The following CERS6 variants were observed in gnomAD, a reference collection of about 807,000 sequenced individuals.
CERS6 encodes the protein LAG1 homolog, ceramide synthase 6.
A neutral mutation model predicts 56.8 loss-of-function variants in CERS6; 26 were observed. That is an observed-to-expected ratio of 0.46 (90% CI 0.34 to 0.63). CERS6 has a LOEUF of 0.63. CERS6 is among the 30% of genes least tolerant of loss of function. The pLI is 0.01. For missense variants in CERS6, 415 were observed against 467.5 expected, an observed-to-expected ratio of 0.89 and a Z score of 1.04; for synonymous variants, 164 against 173.3, an observed-to-expected ratio of 0.95 and a Z score of 0.42.
At chr2:168,688,914 G>A (rs1339285903) in intron 4 of CERS6, among the ~76,000 whole-genome samples, 1 of 152,130 alleles carries the variant, frequency 6.6e-6, no homozygotes, top group African/African-American at 2.4e-5. Flanking sequence ...AGAAAAGCCT[G>A]GGTTTTAGAA....
intron 2 of CERS6, among the ~76,000 whole-genome samples, chr2:168,556,412 T>C (rs544512300): frequency 3.2e-4 from 49 of 152,290 alleles, no homozygotes; most frequent in African/African-American, 1.1e-3. Flanking sequence ...CTGACATCTT[T>C]TTGATTAAAA....
chr2:168,533,750 A>T (rs1224826997), intron 1 of CERS6, among the ~76,000 whole-genome samples: 3 of 151,698 alleles, frequency 2.0e-5, no homozygotes, highest in Non-Finnish European at 4.4e-5. Context: ...CTGAATTTGC[A>T]TGTTGGTCTG....
intron 5 of CERS6, among the ~76,000 whole-genome samples, chr2:168,693,504 C>G (rs1686557689): frequency 6.6e-6 from 1 of 152,036 alleles, no homozygotes; most frequent in Non-Finnish European, 1.5e-5. Flanking sequence ...GGGTCCTGAG[C>G]CAGGGCCCGA....
At position 168,626,144 on chromosome 2, in the gene CERS6, GA is replaced by G. The variant is rs958405890; in HGVS notation, c.408-4832del. Among the ~76,000 whole-genome samples the G allele has an allele frequency of 4.0e-5, 6 of 150,570 alleles. 1 individual carries two copies. Among genetic ancestry groups the G allele is most frequent in the Admixed American group, 1.3e-4 (2 of 15,130 alleles). The stretch of plus-strand genomic sequence containing the variant: ...ACTCTGTGCTCATTTCCTCATCAGG[GA>G]AAAAAAAATAAAGATGTTGATAATA... On this transcript the variant is annotated intron_variant, in intron 3 of 9. Coordinates refer to ENST00000305747, the MANE Select transcript of CERS6 (RefSeq NM_203463.3).
chr2:168,573,165 A>G (rs978947323), intron 3 of CERS6, among the ~76,000 whole-genome samples: 1 of 152,196 alleles, frequency 6.6e-6, no homozygotes, highest in East Asian at 1.9e-4. Context: ...ATGTACCCAG[A>G]CACCACCTGT....
chr2:168,609,813 G>A (rs541027548), intron 3 of CERS6, among the ~76,000 whole-genome samples: 1 of 152,236 alleles, frequency 6.6e-6, no homozygotes, highest in Admixed American at 6.5e-5. Context: ...GGGGTGAGAA[G>A]GGACACCATC....
chr2:168,529,401 T>C (rs765427839), intron 1 of CERS6, among the ~76,000 whole-genome samples: 17 of 152,142 alleles, frequency 1.1e-4, no homozygotes, highest in Admixed American at 3.3e-4. Flanking sequence ...TTATCAGTAA[T>C]CCACCAGAAA....
intron 2 of CERS6, 61 bp downstream of exon 2, chr2:168,547,762 A>G (rs1409071531): frequency 1.7e-6 from 2 of 1,159,236 alleles, no homozygotes; most frequent in African/African-American, 1.5e-5. Context: ...GCCTGCTGTC[A>G]TTCAATTTGT....
At chr2:168,612,698 A>T (rs1014362437) in intron 3 of CERS6, among the ~76,000 whole-genome samples, 4 of 152,180 alleles carry the variant, frequency 2.6e-5, no homozygotes, top group African/African-American at 7.2e-5. Flanking sequence ...GCACTGGGGG[A>T]TTAGGAGTGT....
chr2:168,617,127 A>G (rs1202610254), intron 3 of CERS6, among the ~76,000 whole-genome samples: 3 of 152,210 alleles, frequency 2.0e-5, no homozygotes, highest in African/African-American at 7.2e-5. Context: ...CTGCTCCTGA[A>G]TGATCATTGG....
chr2:168,759,278 T>G (rs1295899008), intron 8 of CERS6, among the ~76,000 whole-genome samples: 8 of 152,122 alleles, frequency 5.3e-5, no homozygotes. Context: ...CCCATTCATT[T>G]GATGGGATTT....
At chr2:168,713,613 C>T (rs1468762292) in intron 6 of CERS6, among the ~76,000 whole-genome samples, 1 of 152,102 alleles carries the variant, frequency 6.6e-6, no homozygotes, top group Non-Finnish European at 1.5e-5. Flanking sequence ...TTGAAGCCGA[C>T]CAAAATAAGG....
At chr2:168,764,192 G>C (rs1684662602) in intron 8 of CERS6, among the ~76,000 whole-genome samples, 1 of 151,480 alleles carries the variant, frequency 6.6e-6, no homozygotes, top group South Asian at 2.1e-4. Context: ...GCCCAGGCTG[G>C]AGTGCAGTGG....
At chr2:168,610,092 T>C (rs891842488) in intron 3 of CERS6, among the ~76,000 whole-genome samples, 5 of 150,772 alleles carry the variant, frequency 3.3e-5, no homozygotes, top group South Asian at 2.1e-4. Flanking sequence ...GTTCTCCTGC[T>C]TCAGCCTCCC....
chr2:168,704,729 C>A (rs757992183), intron 6 of CERS6, among the ~76,000 whole-genome samples: 18 of 152,178 alleles, frequency 1.2e-4, no homozygotes, highest in Non-Finnish European at 2.5e-4. Context: ...GCCTCAGCCT[C>A]CCAAGTAGCT....
chr2:168,482,938 G>A (rs561985564), intron 1 of CERS6, among the ~76,000 whole-genome samples: 4 of 152,166 alleles, frequency 2.6e-5, no homozygotes, highest in Non-Finnish European at 5.9e-5. Context: ...TTCCATCATA[G>A]CCCAAAAGAT....
At chr2:168,476,231 C>G (rs1694066644) in intron 1 of CERS6, among the ~76,000 whole-genome samples, 1 of 150,650 alleles carries the variant, frequency 6.6e-6, no homozygotes, top group African/African-American at 2.4e-5. Flanking sequence ...TTTAATCACC[C>G]TTTTATCACC....
At chr2:168,656,511 G>C (rs1000339438) in intron 4 of CERS6, among the ~76,000 whole-genome samples, 10 of 151,984 alleles carry the variant, frequency 6.6e-5, no homozygotes, top group African/African-American at 2.4e-4. Flanking sequence ...GCTGGCTCAG[G>C]AGTGAAGCTG....
intron 7 of CERS6, 32 bp downstream of exon 7, chr2:168,715,161 A>G (rs770077691): frequency 1.9e-6 from 3 of 1,594,848 alleles, no homozygotes; most frequent in Non-Finnish European, 2.6e-6. Flanking sequence ...TAAGAATACA[A>G]AATCCAAAAT....
Sources: gnomAD v4.1 joint callset for allele counts (sites outside exome capture counted in the v4.1 genomes callset) on GRCh38, gnomAD v4.1.1 for gene constraint, MANE v1.5 for transcripts, NCBI Gene and HGNC (gene_info 2026-07-23, HGNC 2026-07-21) for gene names.